ZNF385D: variants seen among roughly 807,000 people sequenced by gnomAD.
The protein encoded by ZNF385D is zinc finger protein 385D.
A neutral mutation model predicts 35.8 loss-of-function variants in ZNF385D; 15 were observed. That is an observed-to-expected ratio of 0.42 (90% CI 0.28 to 0.64). The LOEUF (loss-of-function observed/expected upper bound fraction) is 0.64. Among genes scored for constraint, ZNF385D ranks in the 30% least tolerant of loss-of-function variants. ZNF385D has a pLI of 0.23. For missense variants in ZNF385D, 474 were observed against 494.6 expected (o/e 0.96, Z 0.39); for synonymous variants, 212 against 186.8 (o/e 1.13, Z -1.10).
intron 3 of ZNF385D, among the ~76,000 whole-genome samples, chr3:22,086,643 T>C (rs867003889): frequency 1.3e-5 from 2 of 152,122 alleles, no homozygotes; most frequent in African/African-American, 4.8e-5. Context: ...TTTGTGTTTG[T>C]TGTGGCACTA....
chr3:21,919,175 C>T (rs1700334947), intron 3 of ZNF385D, among the ~76,000 whole-genome samples: 4 of 152,060 alleles, frequency 2.6e-5, no homozygotes, highest in Admixed American at 2.6e-4. Context: ...AATATTCAGT[C>T]TTCATTCATC....
chr3:22,015,445 C>A (rs1413666128), intron 3 of ZNF385D, among the ~76,000 whole-genome samples: 2 of 152,112 alleles, frequency 1.3e-5, no homozygotes, highest in Admixed American at 6.5e-5. Context: ...TTATCTCCTT[C>A]CTTGCCACCA....
Position 21,513,337 on chromosome 3 carries a change from A to C in ZNF385D, c.277-2314T>G, listed in dbSNP as rs1164118624. Among the ~76,000 whole-genome samples the C allele has an allele frequency of 2.6e-5, 4 of 152,214 alleles. No individual in the cohort carries two copies. The East Asian group carries it at 7.7e-4, about 29-fold the overall frequency. ...CAGCTCAGGGAGTTGTGGGAAGAACAGGGTGACAAAATGACCAGAAGTTGA... is the reference window on the plus strand; with the variant it reads ...CAGCTCAGGGAGTTGTGGGAAGAACCGGGTGACAAAATGACCAGAAGTTGA... On this transcript the variant is annotated intron_variant, in intron 3 of 7. Transcript: ENST00000281523.
chr3:21,841,148 C>G (rs1445972329), intron 3 of ZNF385D, among the ~76,000 whole-genome samples: 6 of 152,062 alleles, frequency 3.9e-5, no homozygotes, highest in Non-Finnish European at 1.5e-5. Flanking sequence ...ATGTATATTA[C>G]TCTGCAGCTT....
intron 2 of ZNF385D, among the ~76,000 whole-genome samples, chr3:22,281,292 G>C (rs1420609455): frequency 6.6e-6 from 1 of 152,060 alleles, no homozygotes; most frequent in Admixed American, 6.6e-5. Context: ...AGTGATGAAA[G>C]TGGCCATCCT....
At chr3:22,140,190 G>A (rs902962783) in intron 3 of ZNF385D, among the ~76,000 whole-genome samples, 4 of 152,060 alleles carry the variant, frequency 2.6e-5, no homozygotes, top group African/African-American at 7.2e-5. Context: ...CTTTCAACTA[G>A]TGAATGAATA....
chr3:22,222,311 C>A (rs1698307397), intron 2 of ZNF385D, among the ~76,000 whole-genome samples: 1 of 151,812 alleles, frequency 6.6e-6, no homozygotes, highest in Non-Finnish European at 1.5e-5. Context: ...TAGTCTTCAC[C>A]ACCCAGCCCC....
At chr3:21,731,378 T>C (rs886572661) in intron 1 of ZNF385D, among the ~76,000 whole-genome samples, 1 of 152,204 alleles carries the variant, frequency 6.6e-6, no homozygotes, top group African/African-American at 2.4e-5. Flanking sequence ...CACAGCCATA[T>C]TGAATGGGTA....
chr3:21,991,868 A>G (rs1466490572), intron 3 of ZNF385D, among the ~76,000 whole-genome samples: 1 of 152,240 alleles, frequency 6.6e-6, no homozygotes. Context: ...TGAGTGAGTT[A>G]TAGTGCATGC....
chr3:21,949,294 GTGTT>G (rs1245166807), intron 3 of ZNF385D, among the ~76,000 whole-genome samples: 1 of 152,274 alleles, frequency 6.6e-6, no homozygotes, highest in African/African-American at 2.4e-5. Flanking sequence ...ATATTTGTGA[GTGTT>G]TGTGTCTGTG....
intron 2 of ZNF385D, among the ~76,000 whole-genome samples, chr3:22,363,198 CTCTT>C (rs1381159800): frequency 6.6e-6 from 1 of 152,144 alleles, no homozygotes. Flanking sequence ...CTTAGAGGTA[CTCTT>C]TCTTTCCTGG....
At chr3:22,071,891 G>T (rs1160553958) in intron 3 of ZNF385D, among the ~76,000 whole-genome samples, 1 of 152,028 alleles carries the variant, frequency 6.6e-6, no homozygotes, top group Non-Finnish European at 1.5e-5. Context: ...ATCATAAACT[G>T]TCTTGACGTA....
At chr3:22,168,951 T>C in exon 3 of ZNF385D, 1 of 985,848 alleles carries the variant, frequency 1.0e-6, no homozygotes, top group Non-Finnish European at 1.2e-6. Flanking sequence ...AAAGTTGGTA[T>C]GTTTCTTTTC....
At chr3:21,760,231 A>G (rs1465424523) in intron 3 of ZNF385D, among the ~76,000 whole-genome samples, 1 of 152,204 alleles carries the variant, frequency 6.6e-6, no homozygotes, top group Non-Finnish European at 1.5e-5. Context: ...AGTTCTGGAA[A>G]TCTGCAGTAT....
intron 2 of ZNF385D, among the ~76,000 whole-genome samples, chr3:22,197,083 T>A (rs1696470525): frequency 1.3e-5 from 2 of 152,112 alleles, no homozygotes; most frequent in African/African-American, 2.4e-5. Flanking sequence ...TCACATAATT[T>A]TTCACATAAT....
intron 2 of ZNF385D, among the ~76,000 whole-genome samples, chr3:21,642,136 G>A (rs2065626000): frequency 6.6e-6 from 1 of 152,040 alleles, no homozygotes; most frequent in Non-Finnish European, 1.5e-5. Context: ...CTTAACCAGT[G>A]TTTTGCGCTT....
chr3:22,361,335 A>T (rs925833699), intron 2 of ZNF385D, among the ~76,000 whole-genome samples: 2 of 152,098 alleles, frequency 1.3e-5, no homozygotes, highest in Non-Finnish European at 2.9e-5. Context: ...AATAAGTAGC[A>T]TTAATTTATA....
intron 2 of ZNF385D, among the ~76,000 whole-genome samples, chr3:22,170,122 TC>T (rs1694309989): frequency 6.6e-6 from 1 of 152,218 alleles, no homozygotes; most frequent in South Asian, 2.1e-4. Flanking sequence ...ATTCCAATTC[TC>T]CCAGTTCTTT....
chr3:22,369,988 C>T (rs993863449), intron 2 of ZNF385D, among the ~76,000 whole-genome samples: 1 of 152,166 alleles, frequency 6.6e-6, no homozygotes. Context: ...AGATGTGACT[C>T]ATCTAATCTT....
Sources: allele counts gnomAD v4.1 joint callset (sites outside exome capture counted in the v4.1 genomes callset), GRCh38; gene constraint gnomAD v4.1.1; transcripts MANE v1.5; gene names NCBI Gene and HGNC (gene_info 2026-07-23, HGNC 2026-07-21).